The following PKP1 variants were observed in gnomAD, a reference collection of about 807,000 sequenced individuals.
PKP1 encodes the protein plakophilin-1.
Under a neutral mutation model 76.4 loss-of-function variants are expected in PKP1, and 27 were observed. The observed-to-expected ratio is 0.35, with a 90% confidence interval of 0.26 to 0.49. The LOEUF is 0.49. Among genes scored for constraint, PKP1 ranks in the 20% least tolerant of loss-of-function variants. The pLI, the probability that PKP1 is intolerant of heterozygous loss-of-function variation, is 0.99. For synonymous variants in PKP1, 404 were observed against 384.2 expected, an observed-to-expected ratio of 1.05 and a Z score of -0.60; for missense variants, 964 against 955.2, an observed-to-expected ratio of 1.01 and a Z score of -0.12.
Position 201,316,545 on chromosome 1 carries a change from C to T in PKP1, c.702-8C>T, listed in dbSNP as rs1310074058. The T allele has an allele frequency of 6.2e-7, 1 of 1,600,874 alleles. No homozygotes were observed. The highest frequency in any genetic ancestry group is 8.5e-7 in the Non-Finnish European group (1 of 1,173,352). The stretch of plus-strand genomic sequence containing the variant: ...CCCGTAACCACCCCCACTGCCTATT[C>T]TTCACAGGATCTGCAGTGAGGACAT... On this transcript the variant is annotated splice_region_variant and splice_polypyrimidine_tract_variant and intron_variant, in intron 3 of 13. Transcript: ENST00000367324.
intron 2 of PKP1, among the ~76,000 whole-genome samples, chr1:201,310,677 G>A (rs1031512514): frequency 3.9e-5 from 6 of 152,204 alleles, no homozygotes; most frequent in Non-Finnish European, 2.9e-5. Flanking sequence ...ACAGCAAAGG[G>A]CCATGATGAT....
intron 2 of PKP1, among the ~76,000 whole-genome samples, chr1:201,303,320 G>T (rs374866585): frequency 6.6e-6 from 1 of 152,072 alleles, no homozygotes; most frequent in South Asian, 2.1e-4. Context: ...TAGAGATGGG[G>T]TCTCACTATG....
chr1:201,285,948 C>G (rs541746619), intron 1 of PKP1, among the ~76,000 whole-genome samples: 3 of 152,276 alleles, frequency 2.0e-5, no homozygotes, highest in Non-Finnish European at 4.4e-5. Context: ...CCCCTCTACC[C>G]TCAGACTCTG....
Position 201,324,531 on chromosome 1 carries a change from C to A in PKP1, c.1784C>A (p.Ala595Asp), listed in dbSNP as rs775106393. ...SGNSDVVRSG[A>D]SLLSNMSRHP... ...AACTCTGATGTGGTGCGGTCCGGAGCCTCCCTCCTGAGCAACATGTCCCGC... is the reference window on the plus strand; with the variant it reads ...AACTCTGATGTGGTGCGGTCCGGAGACTCCCTCCTGAGCAACATGTCCCGC... The change falls in exon 10 of 14, where the codon GCC (alanine) becomes GAC (aspartate). Residue 595 changes from alanine (A) to aspartate (D), a missense_variant. By Grantham distance (126) the Ala-to-Asp change is moderately radical. Transcript: ENST00000367324. 6.2e-7 allele frequency: 1 copy of A among 1,614,126 alleles called. No homozygotes were observed.
At position 201,325,088 on chromosome 1, in the gene PKP1, G is replaced by C. The variant is rs770433466; in HGVS notation, c.1982G>C (p.Ser661Thr). 3.1e-6 allele frequency: 5 copies of C among 1,613,866 alleles called. No individual in the cohort carries two copies. In the African/African-American group the frequency reaches 4.0e-5, roughly 13 times the overall value. The change falls in exon 11 of 14, where the codon AGC becomes ACC. Residue 661 changes from serine to threonine, a missense_variant. Physicochemically the swap from Ser to Thr is moderately conservative, Grantham distance 58. Coordinates refer to ENST00000367324, the MANE Select transcript of PKP1 (RefSeq NM_001005337.3). ...QPQLAKQYFSSSMLNNIINLC... is the reference protein window; with the variant it reads ...QPQLAKQYFSTSMLNNIINLC... The stretch of plus-strand genomic sequence containing the variant: ...CAACTGGCCAAGCAGTACTTCTCCA[G>C]CAGCATGCTCAACAACATCATCAAC...
At chr1:201,292,548 G>A (rs1655949205) in intron 1 of PKP1, among the ~76,000 whole-genome samples, 1 of 152,172 alleles carries the variant, frequency 6.6e-6, no homozygotes, top group Non-Finnish European at 1.5e-5. Context: ...GGGGATCCCT[G>A]CCTCATTCCA....
chr1:201,308,288 G>T (rs1260841480), intron 2 of PKP1, among the ~76,000 whole-genome samples: 1 of 152,198 alleles, frequency 6.6e-6, no homozygotes, highest in Admixed American at 6.5e-5. Context: ...GTGCCCTGGA[G>T]GCCATGGGAA....
At chr1:201,319,938 A>C in intron 6 of PKP1, 2 of 1,543,908 alleles carry the variant, frequency 1.3e-6, no homozygotes, top group South Asian at 1.1e-5. Context: ...TGCCAGTTAT[A>C]AAGTTACTGG....
intron 2 of PKP1, among the ~76,000 whole-genome samples, chr1:201,301,867 G>T (rs1656241026): frequency 6.6e-6 from 1 of 152,028 alleles, no homozygotes; most frequent in South Asian, 2.1e-4. Flanking sequence ...GCTAAATTTT[G>T]CAGCACACGC....
intron 2 of PKP1, among the ~76,000 whole-genome samples, chr1:201,305,130 G>C (rs1252785860): frequency 1.3e-5 from 2 of 152,220 alleles, no homozygotes; most frequent in Non-Finnish European, 2.9e-5. Flanking sequence ...CCGTGTGTGT[G>C]AGCATGCATG....
intron 2 of PKP1, among the ~76,000 whole-genome samples, chr1:201,307,542 C>G (rs929560909): frequency 6.4e-4 from 98 of 152,172 alleles, no homozygotes; most frequent in African/African-American, 2.2e-3. Context: ...CAGCCTTGCT[C>G]GGGGAGCACC....
chr1:201,302,720 G>T (rs1656269483), intron 2 of PKP1, among the ~76,000 whole-genome samples: 1 of 152,322 alleles, frequency 6.6e-6, no homozygotes, highest in East Asian at 1.9e-4. Flanking sequence ...AGACACAGGT[G>T]GGGAGAAAAG....
chr1:201,310,580 T>C (rs1656517695), intron 2 of PKP1, among the ~76,000 whole-genome samples: 1 of 152,214 alleles, frequency 6.6e-6, no homozygotes, highest in Admixed American at 6.5e-5. Flanking sequence ...GTTCACCTCC[T>C]TGTGCCTTGG....
In PKP1 at chr1:201,318,571, G is replaced by A. The variant is rs372361374; in HGVS notation, c.1055-47G>A. The A allele has an allele frequency of 7.8e-5, 123 of 1,573,492 alleles. No individual in the cohort carries two copies. In the African/African-American group the frequency reaches 1.5e-3, roughly 19 times the overall value. ...TGGGGCTGTTACCTCGGTCCCTAGG[G>A]CATCCTGAGCCTGGCACAAATTGGG... is the stretch of plus-strand genomic sequence containing the variant. On this transcript the variant is annotated intron_variant, in intron 5 of 13. Coordinates refer to ENST00000367324, the MANE Select transcript of PKP1 (RefSeq NM_001005337.3).
At chr1:201,324,900 C>T (rs1259518024) in intron 10 of PKP1, 41 bp from the exon 11 acceptor site, 21 of 1,584,568 alleles carry the variant, frequency 1.3e-5, no homozygotes, top group South Asian at 6.7e-5. Context: ...CTTCCTTCCC[C>T]AGTCATCCTG....
intron 1 of PKP1, among the ~76,000 whole-genome samples, chr1:201,285,585 C>T (rs1558180940): frequency 6.6e-6 from 1 of 152,204 alleles, no homozygotes; most frequent in Non-Finnish European, 1.5e-5. Flanking sequence ...CTGGCTACAG[C>T]CCAGAGCACA....
In PKP1 at chr1:201,322,421, T is replaced by C. The variant is rs138255547; in HGVS notation, c.1503+288T>C. 2.0e-3 allele frequency among the ~76,000 whole-genome samples: 309 copies of C among 152,282 alleles called. 4 individuals carry two copies. Among genetic ancestry groups the C allele is most frequent in the African/African-American group, 7.4e-3 (306 of 41,554 alleles). ...GCAGGCCTTGGTCTTTCTTCCTGTA[T>C]AGTGGGTCAAGTCTCCCCCATCTTC... On this transcript the variant is annotated intron_variant, in intron 8 of 13. Transcript: ENST00000367324.
At position 201,313,389 on chromosome 1, in the gene PKP1, A is replaced by G; in HGVS notation, c.530A>G (p.Gln177Arg). ...LRKGTLGSKGQKTTQNRYSFY... is the reference protein window; with the variant it reads ...LRKGTLGSKGRKTTQNRYSFY... ...AAGGGCACGCTGGGCAGCAAGGGCC[A>G]GAAGACCACCCAGAACCGCTACAGC... Residue 177 changes from glutamine to arginine, a missense_variant, in exon 3 of 14, where the codon CAG (glutamine) becomes CGG (arginine). Coordinates refer to ENST00000367324, the MANE Select transcript of PKP1 (RefSeq NM_001005337.3). 1 of 1,583,776 alleles carries G rather than the reference A, an allele frequency of 6.3e-7. No homozygotes were observed. Among genetic ancestry groups the G allele is most frequent in the Non-Finnish European group, 8.6e-7 (1 of 1,164,626 alleles).
chr1:201,291,159 C>T (rs968447389), intron 1 of PKP1, among the ~76,000 whole-genome samples: 1 of 152,196 alleles, frequency 6.6e-6, no homozygotes, highest in Admixed American at 6.5e-5. Context: ...CTCACCACCT[C>T]CGCCCCAAAT....
Sources: gnomAD v4.1 joint callset for allele counts (sites outside exome capture counted in the v4.1 genomes callset) on GRCh38, gnomAD v4.1.1 for gene constraint, MANE v1.5 for transcripts, NCBI Gene and HGNC (gene_info 2026-07-23, HGNC 2026-07-21) for gene names.